Variants in NYAP2 observed in about 807,000 individuals in gnomAD.
NYAP2 encodes neuronal tyrosine-phosphorylated phosphoinositide-3-kinase adapter 2.
In NYAP2, 23 loss-of-function variants were observed where a neutral mutation model predicts 50.4. The observed-to-expected ratio is 0.46, with a 90% confidence interval of 0.33 to 0.65. NYAP2 has a LOEUF of 0.65. Ranked by LOEUF, NYAP2 falls within the 30% of genes least tolerant of loss-of-function variation. The pLI is 0.02. For missense variants in NYAP2, 885 were observed against 861.0 expected (o/e 1.03, Z -0.35); for synonymous variants, 394 against 365.2 (o/e 1.08, Z -0.90).
chr2:225,695,896 C>T, the NYAP2 span, among the ~76,000 whole-genome samples: 3 of 151,880 alleles, frequency 2.0e-5, no homozygotes, highest in Non-Finnish European at 4.4e-5. Flanking sequence ...GCATAAAATA[C>T]AGCCCATTTT....
chr2:225,469,827 A>G (rs1269108618), intron 3 of NYAP2, among the ~76,000 whole-genome samples: 1 of 152,120 alleles, frequency 6.6e-6, no homozygotes, highest in African/African-American at 2.4e-5. Context: ...AGGGAGGGGA[A>G]CATCACACAC....
At chr2:225,681,151 G>A in the NYAP2 span, among the ~76,000 whole-genome samples, 1 of 152,142 alleles carries the variant, frequency 6.6e-6, no homozygotes, top group Non-Finnish European at 1.5e-5. Context: ...GATGTTCCAG[G>A]TTGTTGGACA....
chr2:225,519,771 C>A (rs551337849), intron 4 of NYAP2, among the ~76,000 whole-genome samples: 2,061 of 152,166 alleles, frequency 0.014, 41 homozygotes, highest in African/African-American at 0.047. Context: ...ATTTATAATC[C>A]TTTGGGTATA....
At chr2:225,513,919 A>G (rs1174731490) in intron 4 of NYAP2, among the ~76,000 whole-genome samples, 2 of 152,232 alleles carry the variant, frequency 1.3e-5, no homozygotes, top group Non-Finnish European at 2.9e-5. Context: ...TAAAGCTTCA[A>G]ATTATTCAAA....
At chr2:225,564,696 A>AAC (rs1574680662) in intron 4 of NYAP2, among the ~76,000 whole-genome samples, 1 of 152,058 alleles carries the variant, frequency 6.6e-6, no homozygotes, top group Admixed American at 6.6e-5. Flanking sequence ...AAAAAAAAAA[A>AAC]ACATGCTCAC....
chr2:225,664,793 G>A, the NYAP2 span, among the ~76,000 whole-genome samples: 11 of 152,132 alleles, frequency 7.2e-5, no homozygotes, highest in African/African-American at 1.7e-4. Flanking sequence ...GGAGAATGGC[G>A]TGAACCTGGG....
At chr2:225,655,501 G>T (rs999095982), downstream of NYAP2, among the ~76,000 whole-genome samples, 2 of 152,124 alleles carry the variant, frequency 1.3e-5, no homozygotes, top group African/African-American at 4.8e-5. Context: ...AAACTGCACA[G>T]GAGTCATGTA....
At chr2:225,420,606 CTTTTCT>C (rs1270532552) in intron 3 of NYAP2, among the ~76,000 whole-genome samples, 2 of 38,512 alleles carry the variant, frequency 5.2e-5, no homozygotes, top group Non-Finnish European at 1.1e-4. Context: ...TTTTTCTTTT[CTTTTCT>C]TTTTTTTTTT....
chr2:225,657,556 T>A, downstream of NYAP2, among the ~76,000 whole-genome samples: 1 of 130,030 alleles, frequency 7.7e-6, no homozygotes, highest in Non-Finnish European at 1.6e-5. Flanking sequence ...ATATGGGAAA[T>A]CTCTTTCAAT....
At chr2:225,561,745 T>C (rs895766365) in intron 4 of NYAP2, among the ~76,000 whole-genome samples, 2 of 152,148 alleles carry the variant, frequency 1.3e-5, no homozygotes, top group African/African-American at 2.4e-5. Flanking sequence ...TAAAAATCAG[T>C]ATGTTTTTAA....
chr2:225,592,833 G>A (rs1692533009), intron 5 of NYAP2, among the ~76,000 whole-genome samples: 2 of 152,128 alleles, frequency 1.3e-5, no homozygotes, highest in South Asian at 4.1e-4. Flanking sequence ...GAATCTTTAA[G>A]TGCAATTTCT....
intron 3 of NYAP2, among the ~76,000 whole-genome samples, chr2:225,442,352 T>G (rs924664733): frequency 1.3e-5 from 2 of 152,188 alleles, no homozygotes; most frequent in Non-Finnish European, 2.9e-5. Flanking sequence ...ATCAGCTTAT[T>G]AAAATCTGAA....
chr2:225,631,767 G>C (rs1693319434), intron 6 of NYAP2, among the ~76,000 whole-genome samples: 1 of 152,152 alleles, frequency 6.6e-6, no homozygotes, highest in African/African-American at 2.4e-5. Flanking sequence ...AAAATGTATA[G>C]AGTATCTGAA....
intron 5 of NYAP2, among the ~76,000 whole-genome samples, chr2:225,585,988 T>C (rs971838202): frequency 6.6e-6 from 1 of 152,208 alleles, no homozygotes; most frequent in African/African-American, 2.4e-5. Context: ...ACCCTGAGTC[T>C]CATTATTCTT....
At chr2:225,629,888 G>T (rs758606656) in intron 6 of NYAP2, among the ~76,000 whole-genome samples, 2 of 152,164 alleles carry the variant, frequency 1.3e-5, no homozygotes, top group Non-Finnish European at 2.9e-5. Flanking sequence ...TTGGGGATGA[G>T]ATTTCAACAT....
At chr2:225,584,264 T>C (rs140146818) in intron 5 of NYAP2, among the ~76,000 whole-genome samples, 42 of 152,346 alleles carry the variant, frequency 2.8e-4, no homozygotes, top group African/African-American at 9.6e-4. Flanking sequence ...CTTATTTCTA[T>C]GATACTCTTC....
downstream of NYAP2, among the ~76,000 whole-genome samples, chr2:225,654,543 A>G (rs1478356935): frequency 6.6e-6 from 1 of 151,400 alleles, no homozygotes; most frequent in Non-Finnish European, 1.5e-5. Flanking sequence ...AATTAGCTGG[A>G]CGTGGTGGCA....
intron 3 of NYAP2, among the ~76,000 whole-genome samples, chr2:225,477,227 A>ATTTTTTT (rs1690128140): frequency 1.4e-5 from 1 of 71,426 alleles, no homozygotes; most frequent in African/African-American, 5.5e-5. Flanking sequence ...GAGAGTCTCT[A>ATTTTTTT]TTTCTTTTTT....
In NYAP2 at chr2:225,512,465, C is replaced by T. The variant is rs570429122; in HGVS notation, c.222-906C>T. On this transcript the variant is annotated intron_variant, in intron 3 of 6. Transcript: ENST00000636099. ...CCAATTTAAGCAAATATTTTCTCCT[C>T]CCTCCCTCCTTTCTTCCTCCTTCCT... Among the ~76,000 whole-genome samples the T allele has an allele frequency of 3.3e-5, 5 of 151,464 alleles. No individual in the cohort carries two copies. In the South Asian group the frequency reaches 1.0e-3, roughly 32 times the overall value.
Sources: allele counts gnomAD v4.1 joint callset (sites outside exome capture counted in the v4.1 genomes callset), GRCh38; gene constraint gnomAD v4.1.1; transcripts MANE v1.5; gene names NCBI Gene and HGNC (gene_info 2026-07-23, HGNC 2026-07-21).